Variants in DLGAP2 observed in about 807,000 individuals in gnomAD.
DLGAP2 encodes DLG associated protein 2, also known as disks large-associated protein 2.
DLGAP2 carries 26 observed loss-of-function variants against 100.3 expected under a neutral mutation model. That is an observed-to-expected ratio of 0.26 (90% CI 0.19 to 0.36). The LOEUF (loss-of-function observed/expected upper bound fraction) is 0.36, where lower values mean the gene tolerates loss of function less well. Among genes scored for constraint, DLGAP2 ranks in the 10% least tolerant of loss-of-function variants. The probability of loss-of-function intolerance (pLI) is 1.00; values close to 1 mark genes in which losing one functional copy is unlikely to be tolerated. For missense variants in DLGAP2, 1,858 were observed against 1,453.2 expected (o/e 1.28, Z -4.53); for synonymous variants, 886 against 630.1 (o/e 1.41, Z -6.08).
chr8:973,645 C>T (rs528602546), intron 2 of DLGAP2, among the ~76,000 whole-genome samples: 77 of 152,350 alleles, frequency 5.1e-4, no homozygotes, highest in East Asian at 4.4e-3. Flanking sequence ...GCCGAGATCA[C>T]GCCACTGCAC....
intron 1 of DLGAP2, among the ~76,000 whole-genome samples, chr8:884,529 T>G (rs1201611756): frequency 6.6e-6 from 1 of 152,224 alleles, no homozygotes; most frequent in African/African-American, 2.4e-5. Flanking sequence ...TTCTGGATGT[T>G]AGATCTTTGT....
chr8:1,497,488 G>A (rs1282733882), intron 3 of DLGAP2, among the ~76,000 whole-genome samples: 1 of 152,220 alleles, frequency 6.6e-6, no homozygotes. Flanking sequence ...TCCAATGACT[G>A]GTGGAGCAAA....
At chr8:1,632,548 T>C (rs1299792907) in intron 7 of DLGAP2, among the ~76,000 whole-genome samples, 1 of 152,202 alleles carries the variant, frequency 6.6e-6, no homozygotes, top group Non-Finnish European at 1.5e-5. Flanking sequence ...TCTCTTACAC[T>C]TTGTAATAAC....
intron 2 of DLGAP2, among the ~76,000 whole-genome samples, chr8:988,269 G>A (rs1417741394): frequency 1.3e-5 from 2 of 152,172 alleles, no homozygotes; most frequent in South Asian, 2.1e-4. Context: ...TTTTATAAGT[G>A]TGCATTTTAA....
At chr8:1,315,893 A>C (rs1188588015) in intron 3 of DLGAP2, among the ~76,000 whole-genome samples, 16 of 123,882 alleles carry the variant, frequency 1.3e-4, no homozygotes, top group South Asian at 2.8e-4. Flanking sequence ...ACACTCGAGA[A>C]ACTTGGCAGC....
At chr8:1,615,280 G>A (rs552172215) in intron 6 of DLGAP2, among the ~76,000 whole-genome samples, 1 of 152,280 alleles carries the variant, frequency 6.6e-6, no homozygotes, top group South Asian at 2.1e-4. Context: ...GCCCACCCCA[G>A]CAACGCACGA....
intron 1 of DLGAP2, among the ~76,000 whole-genome samples, chr8:784,286 A>T (rs1389316967): frequency 1.3e-5 from 2 of 152,254 alleles, no homozygotes; most frequent in African/African-American, 4.8e-5. Flanking sequence ...TATCATCTAG[A>T]ATCTTTCTCA....
intron 3 of DLGAP2, among the ~76,000 whole-genome samples, chr8:1,478,290 C>A (rs1392083544): frequency 6.6e-6 from 1 of 152,188 alleles, no homozygotes; most frequent in South Asian, 2.1e-4. Context: ...CCCTTTCCTT[C>A]AGGAATTTGC....
chr8:778,870 C>T (rs550097742), intron 1 of DLGAP2, among the ~76,000 whole-genome samples: 1 of 152,366 alleles, frequency 6.6e-6, no homozygotes, highest in Non-Finnish European at 1.5e-5. Context: ...GGGCTCCACC[C>T]AGTTCGAGCT....
intron 3 of DLGAP2, among the ~76,000 whole-genome samples, chr8:1,287,833 CGT>C (rs1248811227): frequency 2.1e-4 from 15 of 73,138 alleles, no homozygotes; most frequent in South Asian, 4.7e-4. Flanking sequence ...TTTGGTTCAG[CGT>C]GTGTGTGTGT....
intron 1 of DLGAP2, among the ~76,000 whole-genome samples, chr8:817,051 GA>G (rs1321761803): frequency 6.6e-6 from 1 of 151,044 alleles, no homozygotes; most frequent in Non-Finnish European, 1.5e-5. Context: ...TGAGGCCGGA[GA>G]AAGGTGTGAA....
intron 3 of DLGAP2, among the ~76,000 whole-genome samples, chr8:1,455,762 C>G (rs772225250): frequency 1.1e-4 from 16 of 152,210 alleles, no homozygotes; most frequent in South Asian, 2.1e-4. Context: ...GACCCTCACC[C>G]CAGCTGCATC....
chr8:1,503,529 C>T (rs954315589), intron 4 of DLGAP2, among the ~76,000 whole-genome samples: 1 of 152,046 alleles, frequency 6.6e-6, no homozygotes, highest in Non-Finnish European at 1.5e-5. Flanking sequence ...GTGGACAGAC[C>T]CCGGGTCGCT....
rs143465868 is a variant in DLGAP2 at position 1,120,349 on chromosome 8, G to A, written c.74-138502G>A. 3.3e-4 allele frequency among the ~76,000 whole-genome samples: 50 copies of A among 152,284 alleles called. 1 individual carries two copies. The highest frequency in any genetic ancestry group is 1.1e-3 in the African/African-American group (46 of 41,550). Reference sequence around the variant, plus strand: ...ACATGCGTCCGAATGAGAACAATACGAAGGGGCACCCCTTCAGAATTTGTG... The same window carrying A: ...ACATGCGTCCGAATGAGAACAATACAAAGGGGCACCCCTTCAGAATTTGTG... On this transcript the variant is annotated intron_variant, in intron 2 of 14. Coordinates refer to ENST00000637795, the MANE Select transcript of DLGAP2 (RefSeq NM_001346810.2).
chr8:1,647,895 C>T (rs1798078536), intron 8 of DLGAP2, among the ~76,000 whole-genome samples: 1 of 152,174 alleles, frequency 6.6e-6, no homozygotes, highest in East Asian at 1.9e-4. Context: ...TCCCTGCGTC[C>T]TCACATGGTG....
intron 3 of DLGAP2, among the ~76,000 whole-genome samples, chr8:1,362,484 C>T (rs867259252): frequency 1.2e-4 from 19 of 152,096 alleles, no homozygotes; most frequent in Admixed American, 5.2e-4. Flanking sequence ...CGGGGACACC[C>T]GTCAGTGTCC....
intron 3 of DLGAP2, among the ~76,000 whole-genome samples, chr8:1,490,913 T>C (rs550418243): frequency 2.7e-5 from 4 of 150,596 alleles, no homozygotes; most frequent in East Asian, 3.9e-4. Flanking sequence ...TTAGGAGATA[T>C]ATCTAATGCT....
chr8:785,489 G>A (rs1394572903), intron 1 of DLGAP2, among the ~76,000 whole-genome samples: 1 of 132,466 alleles, frequency 7.5e-6, no homozygotes, highest in Non-Finnish European at 1.6e-5. Context: ...GCCCCTGTGA[G>A]ACCAGCTTCC....
At chr8:829,021 A>C (rs1796733773) in intron 1 of DLGAP2, among the ~76,000 whole-genome samples, 1 of 152,196 alleles carries the variant, frequency 6.6e-6, no homozygotes, top group African/African-American at 2.4e-5. Context: ...CTAATTTTTT[A>C]AAGTGTGTTT....
Sources: allele counts gnomAD v4.1 joint callset (sites outside exome capture counted in the v4.1 genomes callset), GRCh38; gene constraint gnomAD v4.1.1; transcripts MANE v1.5; gene names NCBI Gene and HGNC (gene_info 2026-07-23, HGNC 2026-07-21).